SNX25: variants seen among roughly 807,000 people sequenced by gnomAD.
The protein encoded by SNX25 is sorting nexin 25.
SNX25 carries 62 observed loss-of-function variants against 113.7 expected under a neutral mutation model. The ratio of observed to expected loss-of-function variants is 0.55; its 90% CI spans 0.44 to 0.67. SNX25 has a LOEUF of 0.67. Ranked by LOEUF, SNX25 falls within the 30% of genes least tolerant of loss-of-function variation. The pLI is 0.00. For synonymous variants in SNX25, 421 were observed against 436.2 expected (o/e 0.97, Z 0.43); for missense variants, 1,014 against 1,161.0 (o/e 0.87, Z 1.84).
chr4:185,262,332 C>G (rs1204926582), intron 3 of SNX25, among the ~76,000 whole-genome samples: 1 of 152,136 alleles, frequency 6.6e-6, no homozygotes, highest in Admixed American at 6.5e-5. Context: ...CTGTCTCGCT[C>G]CAGCATGTTT....
At chr4:185,340,276 C>G (rs2095253146) in intron 11 of SNX25, among the ~76,000 whole-genome samples, 1 of 152,116 alleles carries the variant, frequency 6.6e-6, no homozygotes, top group African/African-American at 2.4e-5. Flanking sequence ...GCTTGACACT[C>G]TTACAGGGGT....
intron 2 of SNX25, among the ~76,000 whole-genome samples, chr4:185,249,599 T>C (rs1745357199): frequency 1.3e-5 from 2 of 152,200 alleles, no homozygotes; most frequent in South Asian, 4.1e-4. Flanking sequence ...GTTTTCAAGT[T>C]TGATAAAGTC....
rs199775050 is a variant in SNX25, at chr4:185,247,404, T to G, written c.514+26T>G. The G allele has an allele frequency of 4.6e-5, 65 of 1,417,290 alleles. No homozygotes were observed. The East Asian group carries it at 1.4e-3, about 30-fold the overall frequency. The allele number at this position is 1,417,290 out of a possible 1,614,324, so 87.8% of individuals were successfully genotyped here. ...GTAAGGATTAAATGAGAGTATATAA[T>G]TACCATGTAAAGCAATTCATTATGT... is the stretch of plus-strand genomic sequence containing the variant. On this transcript the variant is annotated intron_variant, in intron 2 of 18. Transcript: ENST00000652585.
At chr4:185,206,809 A>G (rs1288199671), upstream of SNX25, among the ~76,000 whole-genome samples, 1 of 152,092 alleles carries the variant, frequency 6.6e-6, no homozygotes, top group African/African-American at 2.4e-5. Context: ...CTGATGATAC[A>G]CCCTTCGCCG....
chr4:185,236,234 CCTATAA>C (rs527717446), intron 1 of SNX25, among the ~76,000 whole-genome samples: 301 of 152,216 alleles, frequency 2.0e-3, no homozygotes, highest in African/African-American at 7.0e-3. Context: ...TGCATCTTTC[CCTATAA>C]CTTTTTATAA....
chr4:185,282,493 A>G (rs1447172540), intron 5 of SNX25, among the ~76,000 whole-genome samples: 1 of 152,152 alleles, frequency 6.6e-6, no homozygotes, highest in Non-Finnish European at 1.5e-5. Flanking sequence ...ATCTAAGGTG[A>G]TGACTTTGAA....
At chr4:185,355,089 T>G (rs1407153325) in intron 15 of SNX25, among the ~76,000 whole-genome samples, 2 of 152,248 alleles carry the variant, frequency 1.3e-5, no homozygotes, top group African/African-American at 4.8e-5. Flanking sequence ...TAAAGAATTA[T>G]TAACAGATGA....
intron 1 of SNX25, among the ~76,000 whole-genome samples, chr4:185,246,772 C>T (rs751716877): frequency 2.0e-5 from 3 of 152,138 alleles, no homozygotes; most frequent in Non-Finnish European, 2.9e-5. Context: ...TTTAGAGAAG[C>T]CTTTTCCATT....
In SNX25 at chr4:185,320,777, G is replaced by T; in HGVS notation, c.1389G>T (p.Glu463Asp). The change falls in exon 8 of 19, where the codon GAG (glutamate) becomes GAT (aspartate). Residue 463 changes from glutamate (E) to aspartate (D), a missense_variant. Glu to Asp is a conservative substitution (Grantham distance 45). Coordinates refer to ENST00000652585, the MANE Select transcript of SNX25 (RefSeq NM_001378034.2). Reference sequence around the variant, plus strand: ...TCTTGGCCAATACGTTCTACCGAGAGCACTTTGGAATGTACATGGAAAGGA... The same window carrying T: ...TCTTGGCCAATACGTTCTACCGAGATCACTTTGGAATGTACATGGAAAGGA... Reference protein sequence around the residue: ...EDILANTFYREHFGMYMERMD... With the variant: ...EDILANTFYRDHFGMYMERMD... The T allele has an allele frequency of 1.2e-6, 2 of 1,601,568 alleles. No homozygotes were observed. Among genetic ancestry groups the T allele is most frequent in the Non-Finnish European group, 1.7e-6 (2 of 1,174,622 alleles).
the SNX25 span, chr4:185,378,057 A>T: frequency 1.3e-6 from 2 of 1,571,944 alleles, no homozygotes; most frequent in African/African-American, 2.7e-5. Context: ...TTTCCAAGGG[A>T]AGCTTAAATA....
At chr4:185,228,806 T>G (rs1211145256) in intron 1 of SNX25, among the ~76,000 whole-genome samples, 1 of 152,214 alleles carries the variant, frequency 6.6e-6, no homozygotes, top group South Asian at 2.1e-4. Context: ...ACCAAGCATT[T>G]CACTAGGCAC....
chr4:185,284,971 C>T (rs1276505555), intron 5 of SNX25, among the ~76,000 whole-genome samples: 1 of 151,952 alleles, frequency 6.6e-6, no homozygotes, highest in African/African-American at 2.4e-5. Context: ...AGTAGAGAAA[C>T]GGAAAGGTAA....
At chr4:185,310,393 T>TA (rs1755077125) in intron 6 of SNX25, among the ~76,000 whole-genome samples, 1 of 151,916 alleles carries the variant, frequency 6.6e-6, no homozygotes, top group African/African-American at 2.4e-5. Flanking sequence ...GAGGTTTTTT[T>TA]AAAAAAATGT....
At chr4:185,260,851 T>A (rs756706488) in intron 3 of SNX25, among the ~76,000 whole-genome samples, 3 of 152,114 alleles carry the variant, frequency 2.0e-5, no homozygotes, top group Non-Finnish European at 4.4e-5. Context: ...GGGAGGGGTG[T>A]GAATTAATAA....
chr4:185,288,606 T>TG (rs547718647), intron 6 of SNX25, among the ~76,000 whole-genome samples: 12 of 61,792 alleles, frequency 1.9e-4, no homozygotes, highest in Non-Finnish European at 3.8e-4. Flanking sequence ...TAGGTTTTGT[T>TG]GGGGGGTGGG....
At chr4:185,263,599 G>A (rs1050027215) in intron 3 of SNX25, among the ~76,000 whole-genome samples, 20 of 152,162 alleles carry the variant, frequency 1.3e-4, no homozygotes, top group African/African-American at 4.8e-4. Flanking sequence ...ACACCTGAGA[G>A]GCATGGGTCC....
Position 185,210,411 on chromosome 4 carries a change from A to T in SNX25, c.429+156A>T, listed in dbSNP as rs1579290888. ...GGCTGCGGGCCCGGCCGTGGACGCGAGCGTTCCCCGGCGCCCGCGCGCGGC... is the reference window on the plus strand; with the variant it reads ...GGCTGCGGGCCCGGCCGTGGACGCGTGCGTTCCCCGGCGCCCGCGCGCGGC... On this transcript the variant is annotated intron_variant, in intron 1 of 18. Transcript: ENST00000652585. The surrounding 1 kb of genome is among the most constrained non-coding windows in gnomAD (Gnocchi z 4.4). 7.3e-6 allele frequency among the ~76,000 whole-genome samples: 1 copy of T among 137,302 alleles called. No homozygotes were observed. The highest frequency in any genetic ancestry group is 2.0e-4 in the East Asian group (1 of 5,092). 90.1% of individuals were successfully genotyped at this position (137,302 alleles called of 152,430 possible). A position where few individuals can be genotyped will look rare whatever the true frequency, so the allele number is the denominator to read the frequency against.
At chr4:185,294,148 T>G (rs1033728133) in intron 6 of SNX25, among the ~76,000 whole-genome samples, 7 of 152,128 alleles carry the variant, frequency 4.6e-5, no homozygotes, top group African/African-American at 1.7e-4. Context: ...TGTCAGTTAG[T>G]GTAAATCACC....
intron 5 of SNX25, among the ~76,000 whole-genome samples, chr4:185,281,558 C>T (rs926731285): frequency 2.0e-5 from 3 of 152,290 alleles, no homozygotes; most frequent in East Asian, 1.9e-4. Flanking sequence ...CTCTGATACA[C>T]TTTCTCATTT....
Sources: allele counts gnomAD v4.1 joint callset (sites outside exome capture counted in the v4.1 genomes callset), GRCh38; gene constraint gnomAD v4.1.1; non-coding constraint Gnocchi (gnomAD v3.1); transcripts MANE v1.5; gene names NCBI Gene and HGNC (gene_info 2026-07-23, HGNC 2026-07-21).